SLIT2: variants seen among roughly 807,000 people sequenced by gnomAD.
SLIT2 encodes the protein slit homolog 2 protein.
SLIT2 carries 41 observed loss-of-function variants against 185.7 expected under a neutral mutation model. The ratio of observed to expected loss-of-function variants is 0.22; its 90% CI spans 0.17 to 0.29. The LOEUF is 0.29. Ranked by LOEUF, SLIT2 falls within the 10% of genes least tolerant of loss-of-function variation. The probability of loss-of-function intolerance (pLI) is 1.00; values close to 1 mark genes in which losing one functional copy is unlikely to be tolerated. For missense variants in SLIT2, 1,571 were observed against 1,909.0 expected, an observed-to-expected ratio of 0.82 and a Z score of 3.30; for synonymous variants, 693 against 680.2, an observed-to-expected ratio of 1.02 and a Z score of -0.29.
At chr4:20,505,072 A>G (rs1719080643) in intron 9 of SLIT2, among the ~76,000 whole-genome samples, 1 of 152,018 alleles carries the variant, frequency 6.6e-6, no homozygotes, top group Non-Finnish European at 1.5e-5. Flanking sequence ...TATTTAATAT[A>G]TTGTGCTATA....
At chr4:20,366,567 A>G (rs1183904510) in intron 4 of SLIT2, among the ~76,000 whole-genome samples, 1 of 152,068 alleles carries the variant, frequency 6.6e-6, no homozygotes, top group Non-Finnish European at 1.5e-5. Context: ...CTGGGAATGC[A>G]AAATAATAAG....
At chr4:20,529,174 T>C in intron 16 of SLIT2, 75 bp downstream of exon 16, 1 of 1,165,770 alleles carries the variant, frequency 8.6e-7, no homozygotes. Context: ...ATGTTTGTCT[T>C]GCCATTTTTA....
At chr4:20,521,524 T>C (rs149824589) in intron 12 of SLIT2, among the ~76,000 whole-genome samples, 2,502 of 152,298 alleles carry the variant, frequency 0.016, 28 homozygotes, top group Middle Eastern at 0.044. Context: ...TTCCTCAGGC[T>C]CCACACAATT....
chr4:20,538,120 A>C (rs13111693), intron 18 of SLIT2, among the ~76,000 whole-genome samples: 44,674 of 151,896 alleles, frequency 0.29, 6,841 homozygotes, highest in Middle Eastern at 0.42. Context: ...CCACCACGCT[A>C]GGCTAATTTT....
At chr4:20,303,457 CT>C (rs755108032) in intron 4 of SLIT2, among the ~76,000 whole-genome samples, 458 of 147,526 alleles carry the variant, frequency 3.1e-3, no homozygotes, top group Middle Eastern at 7.2e-3. Flanking sequence ...ATTACAGTTA[CT>C]TTTTTTTTTT....
At position 20,251,927 on chromosome 4, in the gene SLIT2, A is replaced by G. The variant is rs545286798; in HGVS notation, c.-1889A>G. ...CGGACTTGGTGTTATTTATTTGGGA[A>G]GCGCCCGGACGGCGGAGCTTGGCGG... On this transcript the variant is annotated 5_prime_UTR_variant, in exon 1 of 37. Coordinates refer to ENST00000504154, the MANE Select transcript of SLIT2 (RefSeq NM_004787.4). Among the ~76,000 whole-genome samples the G allele has an allele frequency of 6.6e-6, 1 of 152,094 alleles. No homozygotes were observed. The highest frequency in any genetic ancestry group is 2.1e-4 in the South Asian group (1 of 4,816).
intron 4 of SLIT2, among the ~76,000 whole-genome samples, chr4:20,324,261 A>G (rs575747489): frequency 8.1e-6 from 1 of 123,832 alleles, no homozygotes; most frequent in Non-Finnish European, 1.7e-5. Context: ...GCATTGAGAC[A>G]ATGTATTGGT....
chr4:20,463,726 A>G (rs1404298976), intron 4 of SLIT2, among the ~76,000 whole-genome samples: 1 of 150,906 alleles, frequency 6.6e-6, no homozygotes, highest in African/African-American at 2.4e-5. Context: ...TACAAAAAAA[A>G]TTAGCCGGGC....
chr4:20,287,546 T>A (rs1715375893), intron 4 of SLIT2, among the ~76,000 whole-genome samples: 1 of 152,184 alleles, frequency 6.6e-6, no homozygotes, highest in South Asian at 2.1e-4. Context: ...TGGTCCTTAG[T>A]TGGAACTTTT....
At chr4:20,533,522 C>T in intron 17 of SLIT2, 50 bp from the exon 18 acceptor site, 1 of 1,406,074 alleles carries the variant, frequency 7.1e-7, no homozygotes, top group Non-Finnish European at 9.9e-7. Flanking sequence ...TTTCAATTCC[C>T]ACCTTGTTAG....
chr4:20,616,941 G>C lies in SLIT2; in HGVS notation c.3879G>C (p.Leu1293=). Reference sequence around the variant, plus strand: ...CAGGGAAGAGTAACGTGGCATCTCTGCGCCAGGCCCCTGGGCAGAACGGAA... The same window carrying C: ...CAGGGAAGAGTAACGTGGCATCTCTCCGCCAGGCCCCTGGGCAGAACGGAA... ...GMPGKSNVAS[L]RQAPGQNGTS... Residue 1293 remains leucine (L), a synonymous_variant, in exon 35 of 37, where the codon CTG becomes CTC. Transcript: ENST00000504154. The C allele has an allele frequency of 1.2e-6, 2 of 1,608,648 alleles. No individual in the cohort carries two copies. Among genetic ancestry groups the C allele is most frequent in the Non-Finnish European group, 1.7e-6 (2 of 1,175,736 alleles).
intron 4 of SLIT2, among the ~76,000 whole-genome samples, chr4:20,445,551 G>A (rs1405314270): frequency 6.6e-6 from 1 of 152,114 alleles, no homozygotes. Context: ...CTCAGTTTTT[G>A]CTGTTATTTC....
intron 9 of SLIT2, among the ~76,000 whole-genome samples, chr4:20,503,425 G>T (rs1439866803): frequency 6.6e-6 from 1 of 152,040 alleles, no homozygotes; most frequent in Non-Finnish European, 1.5e-5. Flanking sequence ...TAAAATTTTT[G>T]TTATTAATGA....
At chr4:20,472,317 T>TATATATCTATATATATAG (rs1715254972) in intron 5 of SLIT2, among the ~76,000 whole-genome samples, 3 of 32,046 alleles carry the variant, frequency 9.4e-5, no homozygotes, top group East Asian at 1.1e-3. Context: ...TATATATAGA[T>TATATATCTATATATATAG]ATATATATCT....
In SLIT2 at chr4:20,284,158, C is replaced by A. The variant is rs555389796; in HGVS notation, c.395+15277C>A. ...CCATTCAGAGAATGCCACCACCCTG[C>A]CTGGAGAATGGGGCCCCTTTCCTTG... On this transcript the variant is annotated intron_variant, in intron 4 of 36. Transcript: ENST00000504154. 3.9e-5 allele frequency among the ~76,000 whole-genome samples: 6 copies of A among 152,274 alleles called. No individual in the cohort carries two copies. In the East Asian group the frequency reaches 1.2e-3, roughly 29 times the overall value.
intron 29 of SLIT2, among the ~76,000 whole-genome samples, chr4:20,577,986 A>G (rs970995047): frequency 7.9e-5 from 12 of 152,202 alleles, no homozygotes; most frequent in Admixed American, 2.0e-4. Context: ...ACAGTAGGGA[A>G]ATCTGGAAAT....
chr4:20,616,031 A>G (rs945191411), intron 34 of SLIT2: 4 of 152,220 alleles, frequency 2.6e-5, no homozygotes, highest in African/African-American at 7.2e-5. Context: ...GTGTTACCAG[A>G]TAACTGTCAC....
At chr4:20,468,304 A>C (rs1714582415) in intron 5 of SLIT2, among the ~76,000 whole-genome samples, 1 of 152,096 alleles carries the variant, frequency 6.6e-6, no homozygotes, top group Admixed American at 6.5e-5. Context: ...TCTTAGAGAC[A>C]CCTGTAGCCT....
At chr4:20,311,897 A>G (rs192504150) in intron 4 of SLIT2, among the ~76,000 whole-genome samples, 1 of 152,312 alleles carries the variant, frequency 6.6e-6, no homozygotes, top group Admixed American at 6.5e-5. Flanking sequence ...TGAGCATTTT[A>G]GCTTTCTAAT....
Sources: allele counts gnomAD v4.1 joint callset (sites outside exome capture counted in the v4.1 genomes callset), GRCh38; gene constraint gnomAD v4.1.1; transcripts MANE v1.5; gene names NCBI Gene and HGNC (gene_info 2026-07-23, HGNC 2026-07-21).